PLCG2: variants seen among roughly 807,000 people sequenced by gnomAD.
PLCG2 encodes 1-phosphatidylinositol 4,5-bisphosphate phosphodiesterase gamma-2.
Under a neutral mutation model 175.6 loss-of-function variants are expected in PLCG2, and 69 were observed. The observed-to-expected ratio is 0.39, with a 90% CI of 0.32 to 0.48. The LOEUF (loss-of-function observed/expected upper bound fraction) is 0.48. PLCG2 is among the 20% of genes least tolerant of loss of function. PLCG2 has a pLI of 0.91. For synonymous variants in PLCG2, 827 were observed against 624.0 expected, an observed-to-expected ratio of 1.33 and a Z score of -4.85; for missense variants, 1,798 against 1,650.9, an observed-to-expected ratio of 1.09 and a Z score of -1.54.
At chr16:81,896,046 G>C in intron 13 of PLCG2, 119 bp downstream of exon 13, 1 of 1,301,628 alleles carries the variant, frequency 7.7e-7, no homozygotes, top group Non-Finnish European at 1.1e-6. Flanking sequence ...GGGAAGGCCT[G>C]GGCCCCATCT....
intron 2 of PLCG2, among the ~76,000 whole-genome samples, chr16:81,842,379 C>A (rs1012463695): frequency 2.0e-5 from 3 of 152,142 alleles, no homozygotes; most frequent in African/African-American, 7.2e-5. Context: ...CAGGGCCTGT[C>A]CTCCCTCCCA....
At chr16:81,901,829 A>G (rs1230406591) in intron 14 of PLCG2, among the ~76,000 whole-genome samples, 1 of 152,240 alleles carries the variant, frequency 6.6e-6, no homozygotes, top group Non-Finnish European at 1.5e-5. Context: ...GAAGAAACCC[A>G]TCTTTTAGTG....
At chr16:81,852,737 A>G (rs993295826) in intron 2 of PLCG2, among the ~76,000 whole-genome samples, 3 of 152,200 alleles carry the variant, frequency 2.0e-5, no homozygotes, top group Non-Finnish European at 4.4e-5. Flanking sequence ...TTTATTGCAC[A>G]TATTTCTACA....
Position 81,835,980 on chromosome 16 carries a change from C to G in PLCG2, c.194-18464C>G, listed in dbSNP as rs147055016. On this transcript the variant is annotated intron_variant, in intron 2 of 32. Coordinates refer to ENST00000564138, the MANE Select transcript of PLCG2 (RefSeq NM_002661.5). ...CTAATCCAGCATGAGCTCATCTTGA[C>G]TACATCTGCAAAGACCCTATTTCCA... Among the ~76,000 whole-genome samples, 572 of 152,312 alleles carry G rather than the reference C, an allele frequency of 3.8e-3. 2 individuals are homozygous for G. The highest frequency in any genetic ancestry group is 0.014 in the Middle Eastern group (4 of 294).
intron 2 of PLCG2, among the ~76,000 whole-genome samples, chr16:81,830,681 C>T (rs1013496037): frequency 1.5e-4 from 23 of 151,188 alleles, no homozygotes; most frequent in Middle Eastern, 3.4e-3. Context: ...TATATATATA[C>T]ACACATATAT....
chr16:81,819,639 C>T (rs188098197), intron 2 of PLCG2, among the ~76,000 whole-genome samples: 61 of 152,328 alleles, frequency 4.0e-4, no homozygotes, highest in African/African-American at 1.3e-3. Context: ...GGCTGTAGTG[C>T]GGTGGCGCTA....
At chr16:81,813,689 G>A (rs1174319533) in intron 2 of PLCG2, among the ~76,000 whole-genome samples, 1 of 152,188 alleles carries the variant, frequency 6.6e-6, no homozygotes, top group African/African-American at 2.4e-5. Flanking sequence ...TCCCTTACCT[G>A]AATATATTCA....
chr16:81,803,043 A>C (rs148431691), intron 2 of PLCG2, among the ~76,000 whole-genome samples: 1,797 of 151,592 alleles, frequency 0.012, 14 homozygotes, highest in Middle Eastern at 0.031. Context: ...GCAATGACAA[A>C]TCTACTTTTT....
At chr16:81,908,614 C>T (rs180816468) in intron 17 of PLCG2, 23 bp downstream of exon 17, 603 of 1,582,824 alleles carry the variant, frequency 3.8e-4, no homozygotes, top group Middle Eastern at 2.1e-3. Flanking sequence ...ACCCAGGGAA[C>T]GCCTACCTTC....
At chr16:81,754,321 C>T (rs1909875449) in intron 1 of PLCG2, among the ~76,000 whole-genome samples, 1 of 96,588 alleles carries the variant, frequency 1.0e-5, no homozygotes, top group Admixed American at 1.1e-4. Context: ...ACCTCCTTCC[C>T]CTGTCACCTC....
chr16:81,841,864 G>T (rs1416192473), intron 2 of PLCG2, among the ~76,000 whole-genome samples: 2 of 152,144 alleles, frequency 1.3e-5, no homozygotes, highest in African/African-American at 4.8e-5. Context: ...CTTAAAGCAG[G>T]GTCCTTGGCT....
upstream of PLCG2, among the ~76,000 whole-genome samples, chr16:81,778,016 C>CA (rs753644088): frequency 0.15 from 7,211 of 48,990 alleles, 904 homozygotes; most frequent in East Asian, 0.55. Flanking sequence ...GACTTTGTCT[C>CA]AAAAAAAAAA....
intron 2 of PLCG2, among the ~76,000 whole-genome samples, chr16:81,765,095 C>G (rs536099259): frequency 6.6e-6 from 1 of 152,148 alleles, no homozygotes; most frequent in East Asian, 1.9e-4. Flanking sequence ...ACTGTCCCCC[C>G]ACAAAAAAAA....
chr16:81,882,461 C>T (rs1190751122), intron 8 of PLCG2, among the ~76,000 whole-genome samples: 1 of 152,136 alleles, frequency 6.6e-6, no homozygotes, highest in Non-Finnish European at 1.5e-5. Flanking sequence ...TGGATCGTGG[C>T]TTCTGAGGAG....
intron 2 of PLCG2, among the ~76,000 whole-genome samples, chr16:81,766,507 T>A (rs1289562029): frequency 1.4e-5 from 1 of 69,028 alleles, no homozygotes; most frequent in Admixed American, 1.4e-4. Context: ...CTCTTCCTCC[T>A]CCTCCTCAGG....
At chr16:81,899,674 C>T (rs371337965) in intron 13 of PLCG2, among the ~76,000 whole-genome samples, 11 of 152,112 alleles carry the variant, frequency 7.2e-5, no homozygotes, top group South Asian at 2.1e-4. Flanking sequence ...TCAAATGGCC[C>T]GAAGCACAGT....
upstream of PLCG2, among the ~76,000 whole-genome samples, chr16:81,774,961 G>A (rs995921240): frequency 6.6e-6 from 1 of 152,054 alleles, no homozygotes; most frequent in South Asian, 2.1e-4. Context: ...GTCCAGGCTA[G>A]TCTTGAACTC....
At chr16:81,829,432 A>T (rs1430370041) in intron 2 of PLCG2, among the ~76,000 whole-genome samples, 1 of 152,136 alleles carries the variant, frequency 6.6e-6, no homozygotes, top group Non-Finnish European at 1.5e-5. Flanking sequence ...TGACCAGGCT[A>T]GTCTCGAACT....
intron 2 of PLCG2, among the ~76,000 whole-genome samples, chr16:81,791,947 G>C (rs1244566052): frequency 6.6e-6 from 1 of 152,092 alleles, no homozygotes; most frequent in African/African-American, 2.4e-5. Flanking sequence ...GGCTTCTTAC[G>C]ACAGCCTCAT....
Sources: allele counts gnomAD v4.1 joint callset (sites outside exome capture counted in the v4.1 genomes callset), GRCh38; gene constraint gnomAD v4.1.1; transcripts MANE v1.5; gene names NCBI Gene and HGNC (gene_info 2026-07-23, HGNC 2026-07-21).